PLXNA4: variants seen among roughly 807,000 people sequenced by gnomAD.
PLXNA4 encodes the protein plexin A4.
PLXNA4 carries 44 observed loss-of-function variants against 191.8 expected under a neutral mutation model. The observed-to-expected ratio is 0.23, with a 90% CI of 0.18 to 0.29. The LOEUF is 0.29. PLXNA4 is among the 10% of genes least tolerant of loss of function. The pLI, the probability that PLXNA4 is intolerant of heterozygous loss-of-function variation, is 1.00. For missense variants in PLXNA4, 1,800 were observed against 2,488.8 expected (o/e 0.72, Z 5.89); for synonymous variants, 1,082 against 1,009.5 (o/e 1.07, Z -1.36).
At chr7:132,439,711 C>T (rs7776898) in intron 3 of PLXNA4, among the ~76,000 whole-genome samples, 112,672 of 152,078 alleles carry the variant, frequency 0.74, 45,470 homozygotes, top group Non-Finnish European at 0.91. Flanking sequence ...CTCAGAGGTT[C>T]GCACAACAGG....
At chr7:132,332,260 A>G (rs557597407) in intron 3 of PLXNA4, among the ~76,000 whole-genome samples, 4 of 152,280 alleles carry the variant, frequency 2.6e-5, no homozygotes, top group Admixed American at 6.5e-5. Context: ...ACTTTGGGCA[A>G]TGCACTACCA....
In PLXNA4 at chr7:132,513,456, C is replaced by T. The variant is rs190544525; in HGVS notation, c.-86-4677G>A. ...TCTTGGCTAAGGTCACACATAGTCA[C>T]GTTGGGCATTGGAGAGCTGAGCTCT... On this transcript the variant is annotated intron_variant, in intron 1 of 31. Transcript: ENST00000321063. Among the ~76,000 whole-genome samples, 152 of 152,280 alleles carry T rather than the reference C, an allele frequency of 1.0e-3. 1 individual carries two copies. Among genetic ancestry groups the T allele is most frequent in the African/African-American group, 3.5e-3 (144 of 41,560 alleles).
intron 3 of PLXNA4, among the ~76,000 whole-genome samples, chr7:132,395,435 G>C (rs1261493841): frequency 6.6e-6 from 1 of 152,244 alleles, no homozygotes; most frequent in African/African-American, 2.4e-5. Flanking sequence ...CCCAGAGAGA[G>C]TCCTGCTGAG....
intron 2 of PLXNA4, among the ~76,000 whole-genome samples, chr7:132,599,478 T>C (rs1021322993): frequency 2.3e-4 from 35 of 152,314 alleles, no homozygotes; most frequent in Admixed American, 1.3e-3. Flanking sequence ...TAGTTCTTAT[T>C]ACTAATGAGA....
chr7:132,489,433 A>G lies in PLXNA4; in HGVS notation c.1230T>C (p.Asn410=). 1.3e-6 allele frequency: 2 copies of G among 1,587,810 alleles called. No individual in the cohort carries two copies. The highest frequency in any genetic ancestry group is 2.2e-5 in the South Asian group (2 of 90,008). ...CCATGTCGGACACTCCCAGGGGAGC[A>G]TTCATGTCCAGGCCACAGAAGTTAT... The part of the protein sequence containing the change: ...IDDNFCGLDM[N]APLGVSDMVR... Residue 410 remains asparagine (N), a synonymous_variant, in exon 3 of 32, where the codon AAT becomes AAC. Transcript: ENST00000321063.
chr7:132,371,215 T>A lies in PLXNA4; in HGVS notation c.1372-72993A>T, dbSNP rs1563062177. Among the ~76,000 whole-genome samples the A allele has an allele frequency of 2.0e-5, 3 of 152,154 alleles. No individual in the cohort carries two copies. In the East Asian group the frequency reaches 5.8e-4, roughly 29 times the overall value. Reference sequence around the variant, plus strand: ...AATCATGAACCAGGTTTTAAGTCCTTTGGCTCCGTGTTATGTATACAGAAG... The same window carrying A: ...AATCATGAACCAGGTTTTAAGTCCTATGGCTCCGTGTTATGTATACAGAAG... On this transcript the variant is annotated intron_variant, in intron 3 of 31. Coordinates refer to ENST00000321063, the MANE Select transcript of PLXNA4 (RefSeq NM_020911.2).
intron 2 of PLXNA4, among the ~76,000 whole-genome samples, chr7:132,623,539 A>G (rs947198488): frequency 6.6e-6 from 1 of 152,200 alleles, no homozygotes; most frequent in Non-Finnish European, 1.5e-5. Context: ...GAAAAGATCA[A>G]GGAGCCAGAC....
intron 20 of PLXNA4, among the ~76,000 whole-genome samples, chr7:132,175,368 T>C (rs17166216): frequency 0.051 from 7,809 of 152,168 alleles, 398 homozygotes; most frequent in East Asian, 0.23. Flanking sequence ...CCTTATAAGA[T>C]GTTAAGAAAA....
chr7:132,151,293 AGAAGAAGGAGGAG>A (rs1159222789), intron 25 of PLXNA4, among the ~76,000 whole-genome samples: 9 of 55,614 alleles, frequency 1.6e-4, no homozygotes, highest in African/African-American at 4.2e-4. Context: ...AGGAGGAGGA[AGAAGAAGGAGGAG>A]GAAGAAGGAG....
intron 10 of PLXNA4, among the ~76,000 whole-genome samples, chr7:132,209,910 C>A (rs868620779): frequency 1.9e-4 from 29 of 152,204 alleles, no homozygotes; most frequent in African/African-American, 6.3e-4. Context: ...CCTTCTGGCA[C>A]ATTTTGGGGT....
chr7:132,162,239 T>C (rs1339414044), intron 24 of PLXNA4, among the ~76,000 whole-genome samples: 3 of 152,214 alleles, frequency 2.0e-5, no homozygotes, highest in Non-Finnish European at 4.4e-5. Context: ...GTGCAAATAC[T>C]TTCCCCAGGC....
At position 132,252,299 on chromosome 7, in the gene PLXNA4, G is replaced by GTTTTTTTTT. The variant is rs71178032; in HGVS notation, c.1504-11142_1504-11134dup. 6.6e-5 allele frequency among the ~76,000 whole-genome samples: 5 copies of GTTTTTTTTT among 75,342 alleles called. 1 individual carries two copies. The highest frequency in any genetic ancestry group is 2.4e-4 in the African/African-American group (5 of 20,690). The allele number at this position is 75,342 out of a possible 152,430, so 49.4% of individuals were successfully genotyped here. ...TTGTTAAAATGACAGCATTCTAAAAGTTTTTTTTTTTTTTTTTTTTTTTTT... is the reference window on the plus strand; with the variant it reads ...TTGTTAAAATGACAGCATTCTAAAAGTTTTTTTTTTTTTTTTTTTTTTTTTTTTTTTTTT... On this transcript the variant is annotated intron_variant, in intron 4 of 31. Transcript: ENST00000321063.
intron 3 of PLXNA4, among the ~76,000 whole-genome samples, chr7:132,329,113 G>T (rs1270441702): frequency 2.6e-5 from 4 of 152,232 alleles, no homozygotes; most frequent in African/African-American, 9.6e-5. Flanking sequence ...AAGGAGCACT[G>T]CAGGTGATGT....
intron 3 of PLXNA4, among the ~76,000 whole-genome samples, chr7:132,332,311 G>A (rs539983587): frequency 3.9e-5 from 6 of 152,280 alleles, no homozygotes; most frequent in East Asian, 1.9e-4. Flanking sequence ...GGACCTGTCC[G>A]CTCTGAAATC....
At chr7:132,145,323 C>T in intron 28 of PLXNA4, 35 bp from the exon 29 acceptor site, 1 of 1,611,756 alleles carries the variant, frequency 6.2e-7, no homozygotes. Flanking sequence ...CACAGCTCGA[C>T]TCACGTAGTT....
intron 2 of PLXNA4, among the ~76,000 whole-genome samples, chr7:132,589,930 G>T (rs1347539832): frequency 1.3e-5 from 2 of 152,204 alleles, no homozygotes; most frequent in African/African-American, 4.8e-5. Context: ...CAGTGCAAAG[G>T]CTGTGAGGTG....
chr7:132,165,749 A>G (rs1754152817), intron 22 of PLXNA4, among the ~76,000 whole-genome samples: 2 of 151,236 alleles, frequency 1.3e-5, no homozygotes, highest in African/African-American at 4.9e-5. Context: ...CTGGGGAGGT[A>G]CCAATTTGGC....
chr7:132,296,995 C>T (rs1389354946), intron 4 of PLXNA4, among the ~76,000 whole-genome samples: 2 of 152,014 alleles, frequency 1.3e-5, no homozygotes, highest in Non-Finnish European at 2.9e-5. Flanking sequence ...AAGATGTCAT[C>T]GAGCTCTTGG....
At chr7:132,450,812 C>A (rs1378570489) in intron 3 of PLXNA4, among the ~76,000 whole-genome samples, 3 of 152,180 alleles carry the variant, frequency 2.0e-5, no homozygotes, top group African/African-American at 7.2e-5. Context: ...CATGAGGGAG[C>A]ACTCTGTCCC....
Sources: gnomAD v4.1 joint callset for allele counts (sites outside exome capture counted in the v4.1 genomes callset) on GRCh38, gnomAD v4.1.1 for gene constraint, MANE v1.5 for transcripts, NCBI Gene and HGNC (gene_info 2026-07-23, HGNC 2026-07-21) for gene names.